ADAM23: variants seen among roughly 807,000 people sequenced by gnomAD.
The protein encoded by ADAM23 is disintegrin and metalloproteinase domain-containing protein 23.
ADAM23 carries 33 observed loss-of-function variants against 120.1 expected under a neutral mutation model. The observed-to-expected ratio is 0.27, with a 90% confidence interval of 0.21 to 0.37. The LOEUF is 0.37. ADAM23 is among the 10% of genes least tolerant of loss of function. ADAM23 has a pLI of 1.00. For missense variants in ADAM23, 862 were observed against 1,058.2 expected, an observed-to-expected ratio of 0.81 and a Z score of 2.57; for synonymous variants, 367 against 375.2, an observed-to-expected ratio of 0.98 and a Z score of 0.25.
chr2:206,473,572 A>AAATAATAATAATAATAATAATAAT (rs137861771), intron 2 of ADAM23, among the ~76,000 whole-genome samples: 26 of 147,168 alleles, frequency 1.8e-4, no homozygotes, highest in East Asian at 5.9e-4. Flanking sequence ...CCCATCTCTA[A>AAATAATAATAATAATAATAATAAT]AATAATAATA....
At position 206,571,680 on chromosome 2, in the gene ADAM23, C is replaced by T. The variant is rs373115913; in HGVS notation, c.1567-47C>T. The T allele has an allele frequency of 3.1e-5, 44 of 1,403,978 alleles. No individual in the cohort carries two copies. The Middle Eastern group carries it at 5.3e-4, about 17-fold the overall frequency. 87.0% of individuals were successfully genotyped at this position (1,403,978 alleles called of 1,614,324 possible). ...CCACGTGTGGAGAGAATATGAATGA[C>T]CAGCAGGTAAGGCTCTTCGCTTACT... is the stretch of plus-strand genomic sequence containing the variant. On this transcript the variant is annotated intron_variant, in intron 16 of 25. Coordinates refer to ENST00000264377, the MANE Select transcript of ADAM23 (RefSeq NM_003812.4).
chr2:206,589,556 G>A (rs1255744765), intron 21 of ADAM23, 42 bp downstream of exon 21: 2 of 1,536,856 alleles, frequency 1.3e-6, no homozygotes, highest in Non-Finnish European at 1.8e-6. Flanking sequence ...GGACTTGGAA[G>A]CCCTTCTTAT....
chr2:206,566,346 A>G (rs1303915060), intron 14 of ADAM23, among the ~76,000 whole-genome samples: 3 of 152,110 alleles, frequency 2.0e-5, no homozygotes, highest in Admixed American at 6.5e-5. Context: ...TCTGTAAACT[A>G]CCTTCATACA....
chr2:206,530,977 TAGTATA>T (rs749759330), intron 4 of ADAM23, 29 bp downstream of exon 4: 3 of 1,599,116 alleles, frequency 1.9e-6, no homozygotes, highest in Non-Finnish European at 2.6e-6. Flanking sequence ...GCAAGTACTC[TAGTATA>T]AGTGTGCTTA....
Position 206,567,230 on chromosome 2 carries a change from C to T in ADAM23, c.1402C>T (p.His468Tyr). The T allele has an allele frequency of 6.2e-7, 1 of 1,611,456 alleles. No individual in the cohort carries two copies. The highest frequency in any genetic ancestry group is 8.5e-7 in the Non-Finnish European group (1 of 1,178,176). Residue 468 changes from histidine to tyrosine, a missense_variant, in exon 15 of 26, where the codon CAT becomes TAT. Physicochemically the swap from His to Tyr is moderately conservative, Grantham distance 83. Around this residue, in one of 4 missense-constraint regions of ADAM23, gnomAD observed 617 missense variants for 813.5 expected, o/e 0.76. Transcript: ENST00000264377. Reference protein sequence around the residue: ...GCIMEETGVSHSRKFSKCSIL... With the variant: ...GCIMEETGVSYSRKFSKCSIL... ...GATTCTTTGTTTCCTCAGGGTGTCC[C>T]ATTCTCGAAAATTTTCAAAGTGCAG... is the stretch of plus-strand genomic sequence containing the variant.
chr2:206,551,296 G>C (rs577496618), intron 9 of ADAM23, among the ~76,000 whole-genome samples: 1 of 152,134 alleles, frequency 6.6e-6, no homozygotes, highest in Non-Finnish European at 1.5e-5. Context: ...GATGTATCTA[G>C]TTGGCTCTCG....
rs184237726 is a variant in ADAM23 at position 206,470,756 on chromosome 2, C to T, written c.433-10476C>T. On this transcript the variant is annotated intron_variant, in intron 2 of 25. Coordinates refer to ENST00000264377, the MANE Select transcript of ADAM23 (RefSeq NM_003812.4). ...GGGTAGAATACAACCCATCCATAGTCGTAGATGAGGTCAGAATTCAGTGCA... is the reference window on the plus strand; with the variant it reads ...GGGTAGAATACAACCCATCCATAGTTGTAGATGAGGTCAGAATTCAGTGCA... Among the ~76,000 whole-genome samples, 54 of 152,288 alleles carry T rather than the reference C, an allele frequency of 3.5e-4. No individual in the cohort carries two copies. The East Asian group carries it at 7.3e-3, about 21-fold the overall frequency.
intron 2 of ADAM23, among the ~76,000 whole-genome samples, chr2:206,451,067 T>C (rs1330822177): frequency 6.6e-6 from 1 of 152,140 alleles, no homozygotes; most frequent in African/African-American, 2.4e-5. Context: ...GAAAACCTCA[T>C]AGAGGAAGAA....
intron 4 of ADAM23, among the ~76,000 whole-genome samples, chr2:206,531,882 T>C (rs1429824291): frequency 1.3e-5 from 2 of 152,246 alleles, no homozygotes; most frequent in Non-Finnish European, 2.9e-5. Context: ...TCTGATGGCT[T>C]CTCAGCAAAT....
At chr2:206,445,277 T>G in intron 1 of ADAM23, 30 bp from the exon 2 acceptor site, 1 of 1,539,836 alleles carries the variant, frequency 6.5e-7, no homozygotes, top group Non-Finnish European at 9.0e-7. Flanking sequence ...GTTTGTATTT[T>G]CTGCTCCCCC....
At chr2:206,535,519 C>A (rs554509348) in intron 4 of ADAM23, among the ~76,000 whole-genome samples, 9 of 152,240 alleles carry the variant, frequency 5.9e-5, no homozygotes, top group Admixed American at 1.3e-4. Context: ...ATGTTCATAA[C>A]ATTATTCATA....
rs1426319665 is a variant in ADAM23, at chr2:206,543,248, G to A, written c.657-5G>A. 4 of 1,613,600 alleles carry A rather than the reference G, an allele frequency of 2.5e-6. No homozygotes were observed. Among genetic ancestry groups the A allele is most frequent in the South Asian group, 1.1e-5 (1 of 91,036 alleles). On this transcript the variant is annotated splice_polypyrimidine_tract_variant and splice_region_variant and intron_variant, in intron 5 of 25. Transcript: ENST00000264377. Reference sequence around the variant, plus strand: ...CCCTCCTTTGTGTGGTTTCTTTTGTGCTAGTGGCATGTTTGAAGATGATAC... The same window carrying A: ...CCCTCCTTTGTGTGGTTTCTTTTGTACTAGTGGCATGTTTGAAGATGATAC...
chr2:206,592,443 C>G (rs1294334016), intron 21 of ADAM23, among the ~76,000 whole-genome samples, 174 bp from the exon 22 acceptor site: 1 of 152,174 alleles, frequency 6.6e-6, no homozygotes, highest in Non-Finnish European at 1.5e-5. Context: ...AAACTGTGAT[C>G]CTCTTAGCAA....
chr2:206,452,336 A>G (rs76109016), intron 2 of ADAM23, among the ~76,000 whole-genome samples: 300 of 152,340 alleles, frequency 2.0e-3, no homozygotes, highest in Non-Finnish European at 3.4e-3. Context: ...AGCAGCCTAC[A>G]GCTGAGCTGT....
intron 3 of ADAM23, among the ~76,000 whole-genome samples, chr2:206,512,835 G>A (rs962682766): frequency 1.6e-4 from 24 of 152,104 alleles, no homozygotes; most frequent in African/African-American, 2.9e-4. Flanking sequence ...TTCCAACAGC[G>A]CATGCTCACT....
chr2:206,487,954 G>A (rs1327458769), intron 3 of ADAM23, among the ~76,000 whole-genome samples: 1 of 152,132 alleles, frequency 6.6e-6, no homozygotes, highest in Non-Finnish European at 1.5e-5. Context: ...AGGTAGTTTC[G>A]GATTTAGGAA....
chr2:206,463,945 CA>C (rs1441471257), intron 2 of ADAM23, among the ~76,000 whole-genome samples: 1 of 152,168 alleles, frequency 6.6e-6, no homozygotes, highest in African/African-American at 2.4e-5. Context: ...AATGACATTT[CA>C]AAAGACAATA....
intron 2 of ADAM23, among the ~76,000 whole-genome samples, chr2:206,461,484 A>G (rs1695418181): frequency 6.6e-6 from 1 of 152,192 alleles, no homozygotes; most frequent in East Asian, 1.9e-4. Context: ...TGGGTAAGAC[A>G]CTTATATCTA....
chr2:206,497,530 A>G (rs1174320970), intron 3 of ADAM23, among the ~76,000 whole-genome samples: 1 of 152,178 alleles, frequency 6.6e-6, no homozygotes, highest in Admixed American at 6.5e-5. Context: ...TCTATGACAA[A>G]CCCACAGCCA....
Sources: gnomAD v4.1 joint callset for allele counts (sites outside exome capture counted in the v4.1 genomes callset) on GRCh38, gnomAD v4.1.1 for gene constraint, gnomAD v4.1.1 regional missense constraint, MANE v1.5 for transcripts, NCBI Gene and HGNC (gene_info 2026-07-23, HGNC 2026-07-21) for gene names.